RBMS3: variants seen among roughly 807,000 people sequenced by gnomAD.
RBMS3 encodes RNA binding motif single stranded interacting protein 3, also known as RNA-binding motif, single-stranded-interacting protein 3.
Under a neutral mutation model 66.8 loss-of-function variants are expected in RBMS3, and 27 were observed. The observed-to-expected ratio is 0.40, with a 90% CI of 0.30 to 0.56. The LOEUF (loss-of-function observed/expected upper bound fraction) is 0.56. Among genes scored for constraint, RBMS3 ranks in the 20% least tolerant of loss-of-function variants. The pLI is 0.40. For missense variants in RBMS3, 513 were observed against 549.5 expected (o/e 0.93, Z 0.66); for synonymous variants, 188 against 183.0 (o/e 1.03, Z -0.22).
intron 4 of RBMS3, among the ~76,000 whole-genome samples, chr3:29,701,237 A>G (rs1017630249): frequency 4.6e-5 from 7 of 152,008 alleles, no homozygotes; most frequent in African/African-American, 1.7e-4. Flanking sequence ...AGATCGCGCC[A>G]TTGCACTCCA....
chr3:29,831,943 C>T (rs2058380763), intron 6 of RBMS3, among the ~76,000 whole-genome samples: 1 of 152,050 alleles, frequency 6.6e-6, no homozygotes, highest in Non-Finnish European at 1.5e-5. Context: ...TATCTCAAAT[C>T]AGCTTTGGTG....
chr3:29,855,881 T>C (rs1434000588), intron 6 of RBMS3, among the ~76,000 whole-genome samples: 1 of 152,122 alleles, frequency 6.6e-6, no homozygotes, highest in East Asian at 1.9e-4. Flanking sequence ...ATCTACTGCA[T>C]TCTAGGAACT....
At chr3:29,587,413 C>T (rs1379600757) in intron 4 of RBMS3, among the ~76,000 whole-genome samples, 1 of 151,592 alleles carries the variant, frequency 6.6e-6, no homozygotes, top group African/African-American at 2.4e-5. Context: ...AGAAACTCCA[C>T]ATTAGGTTTG....
At chr3:29,742,835 T>G (rs1260799452) in intron 5 of RBMS3, among the ~76,000 whole-genome samples, 1 of 152,210 alleles carries the variant, frequency 6.6e-6, no homozygotes, top group East Asian at 1.9e-4. Flanking sequence ...CTTTTACAAC[T>G]TTGAGCTTCA....
At chr3:29,900,572 C>T (rs2060228777) in intron 10 of RBMS3, among the ~76,000 whole-genome samples, 1 of 151,646 alleles carries the variant, frequency 6.6e-6, no homozygotes, top group African/African-American at 2.4e-5. Flanking sequence ...AATAGCAACA[C>T]ACTCATGAGG....
chr3:29,366,369 T>A (rs963731609), intron 1 of RBMS3, among the ~76,000 whole-genome samples: 1 of 152,126 alleles, frequency 6.6e-6, no homozygotes, highest in African/African-American at 2.4e-5. Flanking sequence ...CCTCCAAATA[T>A]GTGTTTCTGA....
intron 1 of RBMS3, among the ~76,000 whole-genome samples, chr3:29,340,142 C>A (rs971545793): frequency 3.3e-5 from 5 of 152,102 alleles, no homozygotes; most frequent in African/African-American, 1.2e-4. Context: ...TGTCTGTCTT[C>A]TCCCAGGACT....
At chr3:29,570,993 A>G (rs2046932631) in intron 3 of RBMS3, among the ~76,000 whole-genome samples, 1 of 152,072 alleles carries the variant, frequency 6.6e-6, no homozygotes, top group Non-Finnish European at 1.5e-5. Flanking sequence ...AACATTTGTT[A>G]TTGCCTGTCT....
chr3:29,760,307 A>T (rs1035512593), intron 5 of RBMS3, among the ~76,000 whole-genome samples: 1 of 151,672 alleles, frequency 6.6e-6, no homozygotes, highest in Admixed American at 6.6e-5. Context: ...ACACACCCCT[A>T]GTATTAGTCT....
intron 3 of RBMS3, among the ~76,000 whole-genome samples, chr3:29,571,130 G>T (rs2046939044): frequency 6.6e-6 from 1 of 151,216 alleles, no homozygotes; most frequent in South Asian, 2.1e-4. Flanking sequence ...TGTCACCCTT[G>T]AAAAATTTCT....
intron 3 of RBMS3, 88 bp from the exon 4 acceptor site, chr3:29,587,026 A>T: frequency 1.0e-6 from 1 of 972,072 alleles, no homozygotes. Flanking sequence ...AAATGAATGC[A>T]AGTCTATCTG....
rs1040309745 is a variant in RBMS3, at chr3:29,940,949, G to A, written c.1051-3258G>A. 2.0e-4 allele frequency among the ~76,000 whole-genome samples: 31 copies of A among 151,802 alleles called. 1 individual carries two copies. The highest frequency in any genetic ancestry group is 1.5e-5 in the Non-Finnish European group (1 of 67,868). On this transcript the variant is annotated intron_variant, in intron 11 of 14. Coordinates refer to ENST00000383767, the MANE Select transcript of RBMS3 (RefSeq NM_001003793.3). ...TTGTAAGCTTTAGCAGAAACCACTG[G>A]AGATTTTACTGTGTTATGAGAACCT...
At chr3:29,428,960 T>G (rs1409000107) in intron 1 of RBMS3, among the ~76,000 whole-genome samples, 2 of 152,222 alleles carry the variant, frequency 1.3e-5, no homozygotes, top group East Asian at 3.9e-4. Context: ...TCATCATTCT[T>G]TCCCTCCTGC....
At chr3:29,795,432 T>G (rs1300166881) in intron 6 of RBMS3, among the ~76,000 whole-genome samples, 1 of 152,226 alleles carries the variant, frequency 6.6e-6, no homozygotes, top group African/African-American at 2.4e-5. Flanking sequence ...TACAGCATTA[T>G]TTTCTTTTCA....
At chr3:29,490,519 T>C (rs185195480) in intron 3 of RBMS3, among the ~76,000 whole-genome samples, 376 of 151,974 alleles carry the variant, frequency 2.5e-3, no homozygotes, top group Middle Eastern at 6.8e-3. Flanking sequence ...AGTCCAGAAG[T>C]AGTAGTAGTA....
chr3:29,774,387 CT>C (rs1232569253), intron 6 of RBMS3, among the ~76,000 whole-genome samples: 2 of 151,944 alleles, frequency 1.3e-5, no homozygotes, highest in Non-Finnish European at 2.9e-5. Flanking sequence ...CCGATTATCA[CT>C]GAGCTAATCA....
intron 8 of RBMS3, among the ~76,000 whole-genome samples, chr3:29,892,603 T>C (rs2149594083): frequency 6.6e-6 from 1 of 151,668 alleles, no homozygotes; most frequent in African/African-American, 2.4e-5. Context: ...GCTGTGAATC[T>C]TGGTGAAGAA....
chr3:29,853,225 A>G (rs1237077407), intron 6 of RBMS3, among the ~76,000 whole-genome samples: 1 of 152,072 alleles, frequency 6.6e-6, no homozygotes, highest in African/African-American at 2.4e-5. Context: ...TAATACCTGG[A>G]TGATGAAATA....
At chr3:29,707,955 T>C (rs1276490651) in intron 4 of RBMS3, among the ~76,000 whole-genome samples, 1 of 152,196 alleles carries the variant, frequency 6.6e-6, no homozygotes, top group Middle Eastern at 3.2e-3. Context: ...CATCAAGTGA[T>C]TGGCTCAGCC....
Sources: allele counts gnomAD v4.1 joint callset (sites outside exome capture counted in the v4.1 genomes callset), GRCh38; gene constraint gnomAD v4.1.1; transcripts MANE v1.5; gene names NCBI Gene and HGNC (gene_info 2026-07-23, HGNC 2026-07-21).